The following ZFPM2 variants were observed in gnomAD, a reference collection of about 807,000 sequenced individuals.
The protein encoded by ZFPM2 is zinc finger protein ZFPM2.
In ZFPM2, 20 loss-of-function variants were observed where a neutral mutation model predicts 98.6. The ratio of observed to expected loss-of-function variants is 0.20; its 90% CI spans 0.14 to 0.29. The LOEUF is 0.29. ZFPM2 is among the 10% of genes least tolerant of loss of function. The pLI is 1.00. For synonymous variants in ZFPM2, 518 were observed against 502.7 expected (o/e 1.03, Z -0.41); for missense variants, 1,310 against 1,388.6 (o/e 0.94, Z 0.90).
intron 5 of ZFPM2, among the ~76,000 whole-genome samples, chr8:105,751,876 T>C (rs189178060): frequency 6.6e-6 from 1 of 152,056 alleles, no homozygotes; most frequent in Non-Finnish European, 1.5e-5. Flanking sequence ...TTTATTTAAA[T>C]GGTTTGCCTT....
chr8:105,359,907 A>G (rs765503572), intron 1 of ZFPM2, among the ~76,000 whole-genome samples: 24 of 152,332 alleles, frequency 1.6e-4, no homozygotes, highest in Non-Finnish European at 3.5e-4. Flanking sequence ...AAACCAAAAG[A>G]GCTAGATCGC....
chr8:105,467,965 C>T (rs1384768005), intron 3 of ZFPM2, among the ~76,000 whole-genome samples: 1 of 151,948 alleles, frequency 6.6e-6, no homozygotes, highest in South Asian at 2.1e-4. Context: ...TTTATTACTA[C>T]TCTAAAATAA....
At chr8:105,763,056 C>CTTTTT (rs11453125) in intron 5 of ZFPM2, among the ~76,000 whole-genome samples, 2 of 142,004 alleles carry the variant, frequency 1.4e-5, no homozygotes, top group Admixed American at 7.1e-5. Flanking sequence ...GACTTTATTT[C>CTTTTT]TTTCTTTTTT....
At chr8:105,766,517 A>G (rs1812855687) in intron 5 of ZFPM2, among the ~76,000 whole-genome samples, 1 of 151,860 alleles carries the variant, frequency 6.6e-6, no homozygotes, top group Non-Finnish European at 1.5e-5. Context: ...CTCTGGTTGG[A>G]AAAATACAAG....
rs754427442 is a variant in ZFPM2 at position 105,803,582 on chromosome 8, T to C, written c.*44T>C. The C allele has an allele frequency of 6.4e-7, 1 of 1,553,716 alleles. No individual in the cohort carries two copies. The highest frequency in any genetic ancestry group is 8.7e-7 in the Non-Finnish European group (1 of 1,144,034). ...ACCTTTGGTATCAGTGTTTAGTATG[T>C]TGTTCTAACCAGTCCAGAAAAAAAA... On this transcript the variant is annotated 3_prime_UTR_variant, in exon 8 of 8. Transcript: ENST00000407775.
chr8:105,673,247 T>C (rs1017368608), intron 5 of ZFPM2, among the ~76,000 whole-genome samples: 3 of 147,482 alleles, frequency 2.0e-5, no homozygotes. Flanking sequence ...TAAAATTTAG[T>C]AACAATCAAG....
intron 5 of ZFPM2, among the ~76,000 whole-genome samples, chr8:105,646,137 A>G (rs1351492462): frequency 2.6e-5 from 4 of 152,062 alleles, no homozygotes; most frequent in Admixed American, 6.6e-5. Flanking sequence ...GTGTTCAAAA[A>G]AAAAATAATA....
chr8:105,796,607 TCCTTATCG>T (rs1176852414), intron 6 of ZFPM2, among the ~76,000 whole-genome samples: 1 of 152,224 alleles, frequency 6.6e-6, no homozygotes, highest in East Asian at 1.9e-4. Flanking sequence ...TTAGTTTTTC[TCCTTATCG>T]CCTTTAATGT....
At chr8:105,657,637 TG>T in intron 5 of ZFPM2, among the ~76,000 whole-genome samples, 1 of 152,194 alleles carries the variant, frequency 6.6e-6, no homozygotes, top group Admixed American at 6.5e-5. Context: ...ACACATTTTT[TG>T]GGCACGTACT....
intron 5 of ZFPM2, among the ~76,000 whole-genome samples, chr8:105,712,048 T>TTCTGGTAAC (rs368682644): frequency 1.2e-4 from 18 of 152,190 alleles, no homozygotes; most frequent in African/African-American, 4.1e-4. Context: ...TGAATTCTTT[T>TTCTGGTAAC]TCTGGTAACT....
chr8:105,506,866 T>G (rs1440372709), intron 3 of ZFPM2, among the ~76,000 whole-genome samples: 1 of 150,510 alleles, frequency 6.6e-6, no homozygotes, highest in East Asian at 2.0e-4. Context: ...CGGGTGCCTG[T>G]AGTCCCAGCT....
intron 5 of ZFPM2, among the ~76,000 whole-genome samples, chr8:105,694,609 C>T (rs1285762966): frequency 1.3e-5 from 2 of 152,068 alleles, no homozygotes; most frequent in Non-Finnish European, 2.9e-5. Context: ...AGTTGATGAA[C>T]AATCAATTCT....
intron 1 of ZFPM2, among the ~76,000 whole-genome samples, chr8:105,401,232 C>A (rs867383055): frequency 3.5e-5 from 5 of 142,374 alleles, no homozygotes; most frequent in Non-Finnish European, 6.0e-5. Flanking sequence ...ATTTAATAAT[C>A]ATTTAATAAG....
intron 4 of ZFPM2, among the ~76,000 whole-genome samples, chr8:105,581,467 T>C (rs1477963509): frequency 7.1e-6 from 1 of 141,660 alleles, no homozygotes; most frequent in Non-Finnish European, 1.5e-5. Context: ...CTATTTCTTA[T>C]GATAGAGATT....
At chr8:105,764,474 T>A (rs543557296) in intron 5 of ZFPM2, among the ~76,000 whole-genome samples, 1 of 151,958 alleles carries the variant, frequency 6.6e-6, no homozygotes, top group South Asian at 2.1e-4. Flanking sequence ...ATTATGACTT[T>A]TTTACTTCCG....
intron 1 of ZFPM2, among the ~76,000 whole-genome samples, chr8:105,354,547 T>C (rs1812705270): frequency 6.6e-6 from 1 of 152,144 alleles, no homozygotes; most frequent in Non-Finnish European, 1.5e-5. Flanking sequence ...GCAGTAGGCA[T>C]GTATTGGTGA....
chr8:105,614,799 T>G (rs1816379888), intron 4 of ZFPM2, among the ~76,000 whole-genome samples: 1 of 152,166 alleles, frequency 6.6e-6, no homozygotes, highest in African/African-American at 2.4e-5. Context: ...TTTGGTTTTA[T>G]TGTATATGTT....
chr8:105,635,574 A>C (rs540626609), intron 5 of ZFPM2, among the ~76,000 whole-genome samples: 1 of 152,212 alleles, frequency 6.6e-6, no homozygotes, highest in South Asian at 2.1e-4. Context: ...TGCTGGTGGG[A>C]GCTTTCAGCT....
chr8:105,583,333 T>C (rs947744631), intron 4 of ZFPM2, among the ~76,000 whole-genome samples: 52 of 152,178 alleles, frequency 3.4e-4, no homozygotes, highest in African/African-American at 1.3e-3. Context: ...CTGAGTATTA[T>C]ATTTTTCCTA....
Sources: gnomAD v4.1 joint callset for allele counts (sites outside exome capture counted in the v4.1 genomes callset) on GRCh38, gnomAD v4.1.1 for gene constraint, MANE v1.5 for transcripts, NCBI Gene and HGNC (gene_info 2026-07-23, HGNC 2026-07-21) for gene names.